DIP2A: variants seen among roughly 807,000 people sequenced by gnomAD.
DIP2A encodes DIP2 acetate--CoA ligase A, also known as disco-interacting protein 2 homolog A.
A neutral mutation model predicts 177.4 loss-of-function variants in DIP2A; 85 were observed. The observed-to-expected ratio is 0.48, with a 90% CI of 0.40 to 0.57. The LOEUF is 0.57. DIP2A is among the 20% of genes least tolerant of loss of function. The pLI is 0.00. For missense variants in DIP2A, 1,791 were observed against 2,100.2 expected, an observed-to-expected ratio of 0.85 and a Z score of 2.88; for synonymous variants, 886 against 881.8, an observed-to-expected ratio of 1.00 and a Z score of -0.08.
chr21:46,576,288 C>T, the DIP2A span, among the ~76,000 whole-genome samples: 1 of 152,144 alleles, frequency 6.6e-6, no homozygotes, highest in South Asian at 2.1e-4. Context: ...AGTGTCCCCC[C>T]AACAGGCCCC....
the DIP2A span, among the ~76,000 whole-genome samples, chr21:46,576,375 T>G: frequency 6.8e-3 from 1,035 of 152,246 alleles, 9 homozygotes; most frequent in African/African-American, 0.024. Flanking sequence ...ACATGTGGTG[T>G]TTGGTTTTCT....
intron 1 of DIP2A, chr21:46,469,001 A>G (rs1172285926): frequency 6.6e-6 from 1 of 152,208 alleles, no homozygotes; most frequent in Admixed American, 6.5e-5. Context: ...TCTGCCTTCT[A>G]CTAAAGCCCC....
intron 1 of DIP2A, among the ~76,000 whole-genome samples, chr21:46,469,561 G>A (rs974997438): frequency 1.3e-5 from 2 of 152,046 alleles, no homozygotes; most frequent in Non-Finnish European, 2.9e-5. Context: ...GGGCCCATGA[G>A]GGCATAATCC....
chr21:46,492,235 A>G (rs186052701), intron 3 of DIP2A, among the ~76,000 whole-genome samples: 7 of 152,246 alleles, frequency 4.6e-5, no homozygotes, highest in Admixed American at 4.6e-4. Context: ...TTCCTGGGCC[A>G]TTCCTTAAGC....
chr21:46,468,879 A>C (rs530111080), intron 1 of DIP2A, among the ~76,000 whole-genome samples: 1 of 152,348 alleles, frequency 6.6e-6, no homozygotes, highest in East Asian at 1.9e-4. Context: ...CAGTGATTTC[A>C]ATTTTAATAT....
At chr21:46,486,627 A>G (rs2056716431) in intron 2 of DIP2A, among the ~76,000 whole-genome samples, 1 of 152,228 alleles carries the variant, frequency 6.6e-6, no homozygotes, top group African/African-American at 2.4e-5. Context: ...AGCAAATGTA[A>G]AGATGTTTAA....
chr21:46,494,873 G>GTT (rs926153611), intron 3 of DIP2A, among the ~76,000 whole-genome samples: 2 of 152,168 alleles, frequency 1.3e-5, no homozygotes, highest in African/African-American at 2.4e-5. Context: ...GTTAGGATAA[G>GTT]AAGTTCTAGG....
rs1012001979 is a variant in DIP2A, at chr21:46,468,671, T to C, written c.91+9449T>C. 1.3e-5 allele frequency among the ~76,000 whole-genome samples: 2 copies of C among 152,144 alleles called. 1 individual carries two copies. The highest frequency in any genetic ancestry group is 2.9e-5 in the Non-Finnish European group (2 of 68,010). On this transcript the variant is annotated intron_variant, in intron 1 of 37. Coordinates refer to ENST00000417564, the MANE Select transcript of DIP2A (RefSeq NM_015151.4). ...AATACTGTATTGTATATTTAAAAATTTGTTAAGAGAGTAGAGCTCATGTTA... is the reference window on the plus strand; with the variant it reads ...AATACTGTATTGTATATTTAAAAATCTGTTAAGAGAGTAGAGCTCATGTTA...
intron 1 of DIP2A, among the ~76,000 whole-genome samples, chr21:46,465,768 T>C (rs1162065344): frequency 6.6e-6 from 1 of 152,202 alleles, no homozygotes; most frequent in East Asian, 1.9e-4. Flanking sequence ...AATTGGCCTT[T>C]TGTCTTTTCA....
At chr21:46,552,996 C>A in intron 25 of DIP2A, 1 of 152,490 alleles carries the variant, frequency 6.6e-6, no homozygotes. Context: ...GAATGATGCC[C>A]AGTGGCTCAA....
intron 6 of DIP2A, among the ~76,000 whole-genome samples, chr21:46,508,025 A>G (rs2058106426): frequency 6.7e-6 from 1 of 150,112 alleles, no homozygotes; most frequent in Non-Finnish European, 1.5e-5. Context: ...GGGGTGAGCC[A>G]CTGTGCCCAG....
chr21:46,466,724 A>G (rs1313322694), intron 1 of DIP2A, among the ~76,000 whole-genome samples: 2 of 151,972 alleles, frequency 1.3e-5, no homozygotes, highest in African/African-American at 4.8e-5. Flanking sequence ...AGTGATCTGA[A>G]AAGGCTGCTG....
chr21:46,574,598 T>C (rs927156527), downstream of DIP2A, among the ~76,000 whole-genome samples: 1 of 151,920 alleles, frequency 6.6e-6, no homozygotes, highest in African/African-American at 2.4e-5. Flanking sequence ...AGAAGACAGA[T>C]TACTAAAATC....
In DIP2A at chr21:46,534,623, A is replaced by G. The variant is rs776828905; in HGVS notation, c.1578A>G (p.Thr526=). 3.7e-6 allele frequency: 6 copies of G among 1,613,180 alleles called. No individual in the cohort carries two copies. Among genetic ancestry groups the G allele is most frequent in the East Asian group, 4.5e-5 (2 of 44,858 alleles). ...AAGAAGGCAGTACGGTGGGGGTCAC[A>G]GTGTCCCACGCATCCCTGCTGGCAC... ...TSKEGSTVGV[T]VSHASLLAQC... Residue 526 remains threonine (T), a synonymous_variant, in exon 13 of 38, where the codon ACA becomes ACG. Coordinates refer to ENST00000417564, the MANE Select transcript of DIP2A (RefSeq NM_015151.4).
intron 33 of DIP2A, chr21:46,561,467 C>T: frequency 2.1e-6 from 1 of 481,986 alleles, no homozygotes; most frequent in Non-Finnish European, 3.8e-6. Context: ...TTACTGGGTG[C>T]CAGGGGCTTG....
In DIP2A at chr21:46,539,917, G is replaced by A. The variant is rs2059742401; in HGVS notation, c.1962G>A (p.Gln654=). ...SSCDAFLNVF[Q]SRGLRPEVIC... is the part of the protein sequence containing the mutation. ...GTGACGCCTTCCTCAACGTCTTCCA[G>A]TCCAGAGGTCTGAGGCCAGAGGTCA... Residue 654 remains glutamine, a synonymous_variant, in exon 17 of 38, where the codon CAG becomes CAA. Transcript: ENST00000417564. The A allele has an allele frequency of 3.7e-6, 6 of 1,614,026 alleles. No homozygotes were observed. Among genetic ancestry groups the A allele is most frequent in the Middle Eastern group, 3.3e-4 (2 of 6,062 alleles).
chr21:46,532,927 T>C (rs1398686473), intron 10 of DIP2A, among the ~76,000 whole-genome samples: 2 of 152,212 alleles, frequency 1.3e-5, no homozygotes. Context: ...TATCCAGAAA[T>C]ATTCAAGAAT....
intron 28 of DIP2A, among the ~76,000 whole-genome samples, chr21:46,555,262 G>C (rs1205633231): frequency 6.6e-6 from 1 of 152,224 alleles, no homozygotes; most frequent in South Asian, 2.1e-4. Context: ...AGCTCCCACC[G>C]CATGCCGCCA....
rs58546395 is a variant in DIP2A at position 46,464,844 on chromosome 21, T to TTTTTTTTTTTTTCCC, written c.91+5622_91+5623insTTTTTTTTTTTTCCC. Among the ~76,000 whole-genome samples, 158 of 111,196 alleles carry TTTTTTTTTTTTTCCC rather than the reference T, an allele frequency of 1.4e-3. 7 individuals carry two copies. The highest frequency in any genetic ancestry group is 6.4e-3 in the African/African-American group (154 of 23,962). 72.9% of individuals were successfully genotyped at this position (111,196 alleles called of 152,430 possible). On this transcript the variant is annotated intron_variant, in intron 1 of 37. Coordinates refer to ENST00000417564, the MANE Select transcript of DIP2A (RefSeq NM_015151.4). ...TTTTTTTTTTTTTTTTTTTTTTTTT[T>TTTTTTTTTTTTTCCC]CAAGAAAACACACAACAAATGTCAG...
Sources: allele counts gnomAD v4.1 joint callset (sites outside exome capture counted in the v4.1 genomes callset), GRCh38; gene constraint gnomAD v4.1.1; transcripts MANE v1.5; gene names NCBI Gene and HGNC (gene_info 2026-07-23, HGNC 2026-07-21).